KANK1: variants seen among roughly 807,000 people sequenced by gnomAD.
KANK1 encodes the protein KN motif and ankyrin repeat domains 1, also known as KN motif and ankyrin repeat domain-containing protein 1.
KANK1 carries 109 observed loss-of-function variants against 106.2 expected under a neutral mutation model. The ratio of observed to expected loss-of-function variants is 1.03; its 90% confidence interval spans 0.88 to 1.20. The LOEUF is 1.20. Ranked by LOEUF, KANK1 falls within the 50% of genes most tolerant of loss-of-function variation. The pLI is 0.00. For synonymous variants in KANK1, 873 were observed against 652.2 expected, an observed-to-expected ratio of 1.34 and a Z score of -5.16; for missense variants, 2,399 against 1,710.7, an observed-to-expected ratio of 1.40 and a Z score of -7.10.
chr9:480,618 G>T (rs2058186303), intron 3 of KANK1, among the ~76,000 whole-genome samples: 1 of 152,236 alleles, frequency 6.6e-6, no homozygotes, highest in African/African-American at 2.4e-5. Context: ...GTTAATTTCA[G>T]TAGATGACTC....
chr9:610,306 T>C (rs1281976699), intron 1 of KANK1, among the ~76,000 whole-genome samples: 1 of 152,194 alleles, frequency 6.6e-6, no homozygotes, highest in Admixed American at 6.5e-5. Context: ...GAAAAAACAT[T>C]CTCACTGAAC....
rs548429842 is a variant in KANK1, at chr9:513,824, A to T, written c.-84+9070A>T. On this transcript the variant is annotated intron_variant, in intron 1 of 11. Transcript: ENST00000382297. ...TGAGGTCAGGAGTTCAAGACCAGCC[A>T]TAGCCAACATGGCAAAACCCCATCT... Among the ~76,000 whole-genome samples, 4 of 152,184 alleles carry T rather than the reference A, an allele frequency of 2.6e-5. 1 individual carries two copies. The highest frequency in any genetic ancestry group is 9.6e-5 in the African/African-American group (4 of 41,502).
chr9:517,788 G>C (rs1490472756), intron 1 of KANK1, among the ~76,000 whole-genome samples: 1 of 149,334 alleles, frequency 6.7e-6, no homozygotes, highest in African/African-American at 2.5e-5. Context: ...ACCCAGGTTG[G>C]AGTAAAGTGG....
At chr9:492,618 A>T (rs889732448) in intron 3 of KANK1, among the ~76,000 whole-genome samples, 1 of 152,212 alleles carries the variant, frequency 6.6e-6, no homozygotes, top group African/African-American at 2.4e-5. Context: ...ATCATTATTT[A>T]TTATTATTTG....
chr9:624,195 A>G (rs1052544874), intron 1 of KANK1, among the ~76,000 whole-genome samples: 1 of 152,162 alleles, frequency 6.6e-6, no homozygotes, highest in African/African-American at 2.4e-5. Context: ...CCACAAGCCA[A>G]GAGTAGAATG....
intron 1 of KANK1, among the ~76,000 whole-genome samples, chr9:662,690 C>T (rs1351918974): frequency 2.4e-5 from 3 of 127,252 alleles, no homozygotes; most frequent in East Asian, 2.8e-4. Flanking sequence ...GAGACAGGGT[C>T]TTGCTCTGTC....
intron 3 of KANK1, among the ~76,000 whole-genome samples, chr9:493,691 C>T (rs943631762): frequency 8.2e-5 from 12 of 146,998 alleles, no homozygotes; most frequent in African/African-American, 3.0e-4. Context: ...GGGATTACAG[C>T]TACACACCAC....
chr9:485,706 C>T (rs2132229933), intron 3 of KANK1, among the ~76,000 whole-genome samples: 1 of 152,120 alleles, frequency 6.6e-6, no homozygotes, highest in East Asian at 1.9e-4. Context: ...AACCTCATCT[C>T]TACTAAAAAT....
chr9:615,177 C>G (rs1441883583), intron 1 of KANK1, among the ~76,000 whole-genome samples: 1 of 152,194 alleles, frequency 6.6e-6, no homozygotes, highest in African/African-American at 2.4e-5. Context: ...TCAAGCAAGT[C>G]CTCCTGCATT....
At chr9:728,356 C>G (rs113780290) in intron 3 of KANK1, among the ~76,000 whole-genome samples, 2,277 of 152,216 alleles carry the variant, frequency 0.015, 74 homozygotes, top group African/African-American at 0.052. Flanking sequence ...CCCCACCATG[C>G]GTGGCTAATT....
chr9:629,707 A>G (rs141098742), intron 1 of KANK1, among the ~76,000 whole-genome samples: 1 of 152,356 alleles, frequency 6.6e-6, no homozygotes, highest in Non-Finnish European at 1.5e-5. Context: ...GTTGTAACCT[A>G]TAGTACAAAC....
Position 732,458 on chromosome 9 carries a change from A to C in KANK1, c.3086A>C (p.Glu1029Ala). 2 of 1,614,132 alleles carry C rather than the reference A, an allele frequency of 1.2e-6. No homozygotes were observed. The highest frequency in any genetic ancestry group is 1.1e-5 in the South Asian group (1 of 91,074). Residue 1029 changes from glutamate (E) to alanine (A), a missense_variant, in exon 6 of 12, where the codon GAG (glutamate) becomes GCG (alanine). By Grantham distance (107) the Glu-to-Ala change is moderately radical. Transcript: ENST00000382297. ...TCAGATGACGAGTGTGATGTCATTG[A>C]GTATCCTCTTGAAGAAGAGGAGGAG... ...SESDDECDVIEYPLEEEEEEE... is the reference protein window; with the variant it reads ...SESDDECDVIAYPLEEEEEEE...
intron 1 of KANK1, chr9:540,511 C>T (rs2060539945): frequency 6.6e-6 from 1 of 152,098 alleles, no homozygotes; most frequent in South Asian, 2.1e-4. Flanking sequence ...CTTGTAGTGT[C>T]CTTGCTGGCC....
chr9:512,230 A>AGTGTGTGTGTGTGTGTGTGT (rs71678968), intron 1 of KANK1, among the ~76,000 whole-genome samples: 4 of 136,892 alleles, frequency 2.9e-5, no homozygotes, highest in African/African-American at 1.3e-4. Context: ...CATAACCAAT[A>AGTGTGTGTGTGTGTGTGTGT]GTGTGTGTGT....
chr9:733,626 A>G (rs1213492762), intron 6 of KANK1: 2 of 152,110 alleles, frequency 1.3e-5, no homozygotes, highest in African/African-American at 4.8e-5. Flanking sequence ...CCCTACAAAA[A>G]TATCAATTAC....
chr9:701,519 T>C (rs1179572122), intron 2 of KANK1, among the ~76,000 whole-genome samples: 1 of 152,182 alleles, frequency 6.6e-6, no homozygotes, highest in Non-Finnish European at 1.5e-5. Flanking sequence ...ATGAGCTAGA[T>C]AATTCTTTGT....
chr9:654,734 G>C (rs951457951), intron 1 of KANK1, among the ~76,000 whole-genome samples: 6 of 151,878 alleles, frequency 4.0e-5, no homozygotes, highest in African/African-American at 1.5e-4. Context: ...CAGAATACCT[G>C]CTTTCTGAGA....
chr9:673,427 C>G (rs1815679066), intron 1 of KANK1: 2 of 152,486 alleles, frequency 1.3e-5, no homozygotes, highest in African/African-American at 4.8e-5. Flanking sequence ...CCAGCCTGGT[C>G]TTGAACTCCT....
intron 1 of KANK1, among the ~76,000 whole-genome samples, chr9:545,092 G>A (rs1417513380): frequency 6.6e-6 from 1 of 151,968 alleles, no homozygotes; most frequent in East Asian, 2.0e-4. Context: ...TTGATTGAAT[G>A]GGGAGAGGCA....
Sources: gnomAD v4.1 joint callset for allele counts (sites outside exome capture counted in the v4.1 genomes callset) on GRCh38, gnomAD v4.1.1 for gene constraint, MANE v1.5 for transcripts, NCBI Gene and HGNC (gene_info 2026-07-23, HGNC 2026-07-21) for gene names.